Variants in RBM33 observed in about 807,000 individuals in gnomAD.
RBM33 encodes RNA binding motif protein 33.
Under a neutral mutation model 132.6 loss-of-function variants are expected in RBM33, and 28 were observed. That is an observed-to-expected ratio of 0.21 (90% CI 0.16 to 0.29). The LOEUF is 0.29. Among genes scored for constraint, RBM33 ranks in the 10% least tolerant of loss-of-function variants. The pLI is 1.00. For missense variants in RBM33, 1,291 were observed against 1,518.5 expected (o/e 0.85, Z 2.49); for synonymous variants, 634 against 593.0 (o/e 1.07, Z -1.01).
chr7:155,707,306 G>A, intron 7 of RBM33: 1 of 637,878 alleles, frequency 1.6e-6, no homozygotes, highest in African/African-American at 1.8e-5. Flanking sequence ...ACTTCCAGAG[G>A]AGGAATTAAT....
chr7:155,652,618 T>C (rs991683430), intron 1 of RBM33, among the ~76,000 whole-genome samples: 1 of 152,208 alleles, frequency 6.6e-6, no homozygotes, highest in Admixed American at 6.5e-5. Context: ...AGAAATCTAG[T>C]AGATATCTTC....
chr7:155,687,755 T>C (rs1186198732), intron 5 of RBM33, among the ~76,000 whole-genome samples: 3 of 152,256 alleles, frequency 2.0e-5, no homozygotes, highest in African/African-American at 4.8e-5. Context: ...ATTTCTTGTT[T>C]TTGTCAGGTT....
chr7:155,762,499 GGA>G (rs1802069118), intron 14 of RBM33, among the ~76,000 whole-genome samples: 1 of 152,164 alleles, frequency 6.6e-6, no homozygotes, highest in Admixed American at 6.5e-5. Flanking sequence ...CACTTGTTTT[GGA>G]GAGAGAAGAT....
In RBM33 at chr7:155,680,645, G is replaced by A. The variant is rs753460791; in HGVS notation, c.304G>A (p.Glu102Lys). The A allele has an allele frequency of 6.2e-7, 1 of 1,608,690 alleles. No homozygotes were observed. Among genetic ancestry groups the A allele is most frequent in the South Asian group, 1.1e-5 (1 of 90,298 alleles). The change falls in exon 5 of 18, where the codon GAA becomes AAA. Residue 102 changes from glutamate (E) to lysine (K), a missense_variant. Coordinates refer to ENST00000401878, the MANE Select transcript of RBM33 (RefSeq NM_053043.3). ...TACATCTGGCATGGTTACATCATTTGAACTCTCTGACAACACTAACGACCA... is the reference window on the plus strand; with the variant it reads ...TACATCTGGCATGGTTACATCATTTAAACTCTCTGACAACACTAACGACCA... Reference protein sequence around the residue: ...NATSGMVTSFELSDNTNDQSG... With the variant: ...NATSGMVTSFKLSDNTNDQSG...
intron 9 of RBM33, among the ~76,000 whole-genome samples, chr7:155,732,706 G>T (rs1194020641): frequency 6.6e-6 from 1 of 152,216 alleles, no homozygotes. Context: ...TTAGATGCAG[G>T]TGGAAGCAGA....
intron 7 of RBM33, among the ~76,000 whole-genome samples, chr7:155,709,268 G>A (rs940197797): frequency 2.0e-5 from 3 of 152,058 alleles, no homozygotes; most frequent in African/African-American, 7.2e-5. Flanking sequence ...TGTATATGTT[G>A]TGGATGGATT....
intron 14 of RBM33, among the ~76,000 whole-genome samples, chr7:155,755,659 G>A (rs1801825239): frequency 6.6e-6 from 1 of 152,200 alleles, no homozygotes; most frequent in Non-Finnish European, 1.5e-5. Flanking sequence ...GCTAGTGAAT[G>A]CAAGTCAGTG....
intron 1 of RBM33, among the ~76,000 whole-genome samples, chr7:155,647,936 T>G (rs1308753291): frequency 1.3e-5 from 2 of 152,148 alleles, no homozygotes; most frequent in Non-Finnish European, 2.9e-5. Context: ...TTGTAAAATA[T>G]AAAATAAAAA....
At chr7:155,749,644 G>A (rs1163142616) in intron 14 of RBM33, among the ~76,000 whole-genome samples, 3 of 152,220 alleles carry the variant, frequency 2.0e-5, no homozygotes, top group Admixed American at 2.0e-4. Flanking sequence ...GGTTGCCAGT[G>A]CAACAGACTG....
rs914539688 is a variant in RBM33 at position 155,759,315 on chromosome 7, T to A, written c.2980-4497T>A. Among the ~76,000 whole-genome samples the A allele has an allele frequency of 2.0e-5, 3 of 152,268 alleles. No individual in the cohort carries two copies. In the East Asian group the frequency reaches 5.8e-4, roughly 29 times the overall value. On this transcript the variant is annotated intron_variant, in intron 14 of 17. Transcript: ENST00000401878. The stretch of plus-strand genomic sequence containing the variant: ...ATTTTTCAGAGTTCTTATCTGACGT[T>A]AATGTCACCAGACATAAATTTTCAC...
rs761390725 is a variant in RBM33 at position 155,665,165 on chromosome 7, G to C, written c.44-10G>C. The C allele has an allele frequency of 1.2e-6, 2 of 1,613,268 alleles. No individual in the cohort carries two copies. Among genetic ancestry groups the C allele is most frequent in the East Asian group, 2.2e-5 (1 of 44,870 alleles). ...TTAGTAAAACTGACTTCAATGGACTGTTCTCATAGATGATGACTTTGACCA... is the reference window on the plus strand; with the variant it reads ...TTAGTAAAACTGACTTCAATGGACTCTTCTCATAGATGATGACTTTGACCA... On this transcript the variant is annotated splice_polypyrimidine_tract_variant and intron_variant, in intron 1 of 17. Coordinates refer to ENST00000401878, the MANE Select transcript of RBM33 (RefSeq NM_053043.3).
chr7:155,644,752 G>C lies in RBM33; in HGVS notation c.-125G>C. ...TGTGGACCGCGAAGCGCCCGGCTTC[G>C]CCTCTGCCTCCTGCAGCCCCCTCCC... On this transcript the variant is annotated 5_prime_UTR_variant, in exon 1 of 18. Transcript: ENST00000401878. 1.3e-6 allele frequency: 1 copy of C among 744,414 alleles called. No homozygotes were observed. The highest frequency in any genetic ancestry group is 2.2e-5 in the South Asian group (1 of 44,824). 46.1% of individuals were successfully genotyped at this position (744,414 alleles called of 1,614,324 possible).
At chr7:155,654,475 A>G (rs1798439693) in intron 1 of RBM33, among the ~76,000 whole-genome samples, 2 of 152,164 alleles carry the variant, frequency 1.3e-5, no homozygotes, top group East Asian at 1.9e-4. Context: ...TTGCTTTTCT[A>G]GTAATGCCCC....
intron 14 of RBM33, among the ~76,000 whole-genome samples, chr7:155,763,528 A>G (rs1210607799): frequency 6.6e-6 from 1 of 152,248 alleles, no homozygotes. Context: ...CCAGTATTTC[A>G]CGGAATTCGA....
intron 1 of RBM33, 110 bp from the exon 2 acceptor site, chr7:155,665,065 T>G (rs1798764451): frequency 5.0e-6 from 4 of 795,026 alleles, no homozygotes; most frequent in Admixed American, 2.4e-5. Context: ...ACTTTTGTAA[T>G]TTAAAATGTC....
intron 14 of RBM33, among the ~76,000 whole-genome samples, chr7:155,750,082 A>T (rs1166978778): frequency 6.6e-6 from 1 of 152,234 alleles, no homozygotes; most frequent in African/African-American, 2.4e-5. Context: ...GCTTATAAGT[A>T]GTGTTAGCAG....
intron 9 of RBM33, among the ~76,000 whole-genome samples, chr7:155,725,554 A>G (rs1274687016): frequency 6.6e-6 from 1 of 152,100 alleles, no homozygotes; most frequent in Non-Finnish European, 1.5e-5. Context: ...TAAAATTGTG[A>G]CCCTCATTAA....
intron 2 of RBM33, among the ~76,000 whole-genome samples, chr7:155,670,809 G>T (rs1484219587): frequency 1.3e-5 from 2 of 152,152 alleles, no homozygotes; most frequent in Non-Finnish European, 2.9e-5. Flanking sequence ...TTTCTCATTA[G>T]TCATGAAACA....
intron 6 of RBM33, among the ~76,000 whole-genome samples, chr7:155,702,867 C>T (rs896222208): frequency 1.3e-5 from 2 of 152,206 alleles, no homozygotes; most frequent in Non-Finnish European, 2.9e-5. Flanking sequence ...TCACTGAGAA[C>T]TCCCCAGGTA....
Sources: allele counts gnomAD v4.1 joint callset (sites outside exome capture counted in the v4.1 genomes callset), GRCh38; gene constraint gnomAD v4.1.1; transcripts MANE v1.5; gene names NCBI Gene and HGNC (gene_info 2026-07-23, HGNC 2026-07-21).